CR1L: variants seen among roughly 807,000 people sequenced by gnomAD.
CR1L encodes the protein complement component receptor 1-like protein.
Under a neutral mutation model 62.3 loss-of-function variants are expected in CR1L, and 59 were observed. That is an observed-to-expected ratio of 0.95 (90% CI 0.77 to 1.18). CR1L has a LOEUF of 1.18. CR1L is among the 50% of genes most tolerant of loss of function. CR1L has a pLI of 0.00. For missense variants in CR1L, 700 were observed against 702.8 expected (o/e 1.00, Z 0.04); for synonymous variants, 279 against 248.7 (o/e 1.12, Z -1.15).
intron 9 of CR1L, among the ~76,000 whole-genome samples, chr1:207,705,407 C>T (rs1415090684): frequency 1.3e-5 from 2 of 152,222 alleles, no homozygotes; most frequent in South Asian, 2.1e-4. Context: ...GCTCACAGCG[C>T]ATGGTCCAGC....
At chr1:207,669,547 G>C (rs1175644282) in intron 1 of CR1L, 2 of 1,568,448 alleles carry the variant, frequency 1.3e-6, no homozygotes, top group Non-Finnish European at 8.6e-7. Context: ...GGTGCTGCTC[G>C]CGCTGCCGGT....
At chr1:207,686,121 TC>T (rs1663902212) in intron 4 of CR1L, among the ~76,000 whole-genome samples, 12 of 17,046 alleles carry the variant, frequency 7.0e-4, no homozygotes, top group African/African-American at 2.4e-3. Context: ...CCTCCCTCCC[TC>T]CCTTCCTCCC....
At position 207,683,286 on chromosome 1, in the gene CR1L, G is replaced by A. The variant is rs533082910; in HGVS notation, c.378-586G>A. On this transcript the variant is annotated intron_variant, in intron 3 of 11. Coordinates refer to ENST00000508064, the MANE Select transcript of CR1L (RefSeq NM_175710.2). ...TGAGTAGCTAGGACTACAGGAATGT[G>A]CCACCATGCGTGGCTTTTTAATAAA... Among the ~76,000 whole-genome samples the A allele has an allele frequency of 2.0e-5, 3 of 152,102 alleles. No individual in the cohort carries two copies. In the South Asian group the frequency reaches 6.2e-4, roughly 32 times the overall value.
rs1291778402 is a variant in CR1L at position 207,694,474 on chromosome 1, G to C, written c.585G>C (p.Lys195Asn). Residue 195 changes from lysine (K) to asparagine (N), a missense_variant, in exon 5 of 12, where the codon AAG (lysine) becomes AAC (asparagine). Transcript: ENST00000508064. ...YHCNLGSRGK[K>N]VFELVGEPSI... Reference sequence around the variant, plus strand: ...GCAATCTTGGAAGCAGAGGGAAAAAGGTGTTTGAGCTTGTGGGTGAGCCCT... The same window carrying C: ...GCAATCTTGGAAGCAGAGGGAAAAACGTGTTTGAGCTTGTGGGTGAGCCCT... 1 of 1,613,900 alleles carries C rather than the reference G, an allele frequency of 6.2e-7. No individual in the cohort carries two copies. Among genetic ancestry groups the C allele is most frequent in the Non-Finnish European group, 8.5e-7 (1 of 1,179,812 alleles).
Position 207,693,559 on chromosome 1 carries a change from T to C in CR1L, c.464-794T>C, listed in dbSNP as rs1664027430. Among the ~76,000 whole-genome samples, 3 of 152,254 alleles carry C rather than the reference T, an allele frequency of 2.0e-5. No homozygotes were observed. The South Asian group carries it at 6.2e-4, about 31-fold the overall frequency. Reference sequence around the variant, plus strand: ...TGCTAGGCTTTATTCTTCTATATCTTGGTCTGTATGTTTAACATGCATTTA... The same window carrying C: ...TGCTAGGCTTTATTCTTCTATATCTCGGTCTGTATGTTTAACATGCATTTA... On this transcript the variant is annotated intron_variant, in intron 4 of 11. Transcript: ENST00000508064.
chr1:207,713,546 C>T (rs758689847), intron 10 of CR1L, among the ~76,000 whole-genome samples: 2 of 152,244 alleles, frequency 1.3e-5, no homozygotes, highest in Admixed American at 6.5e-5. Context: ...CCACCCAGGC[C>T]GTGCCAGGCT....
intron 1 of CR1L, among the ~76,000 whole-genome samples, chr1:207,667,439 G>T (rs1663540186): frequency 6.6e-6 from 1 of 152,160 alleles, no homozygotes; most frequent in African/African-American, 2.4e-5. Flanking sequence ...TTGCCTTCTG[G>T]TCTATTACCT....
chr1:207,654,843 C>T (rs1663280880), intron 1 of CR1L, among the ~76,000 whole-genome samples: 1 of 152,176 alleles, frequency 6.6e-6, no homozygotes, highest in Non-Finnish European at 1.5e-5. Context: ...AGCTCTAGGG[C>T]CTGTTCTCTC....
chr1:207,705,699 A>G (rs1664255322), intron 9 of CR1L, among the ~76,000 whole-genome samples: 2 of 152,112 alleles, frequency 1.3e-5, no homozygotes, highest in Admixed American at 6.6e-5. Context: ...TTCCTTCCTC[A>G]TCTTGCATTG....
intron 10 of CR1L, among the ~76,000 whole-genome samples, chr1:207,711,809 G>A (rs189974119): frequency 6.6e-6 from 1 of 150,916 alleles, no homozygotes; most frequent in East Asian, 2.0e-4. Flanking sequence ...TGAGGCAGGA[G>A]AATCACTTGA....
At chr1:207,651,078 C>T (rs1299037335) in intron 1 of CR1L, among the ~76,000 whole-genome samples, 1 of 152,166 alleles carries the variant, frequency 6.6e-6, no homozygotes, top group Admixed American at 6.5e-5. Flanking sequence ...AGCCACTGCA[C>T]CCGGCCCAGT....
At chr1:207,663,719 C>T (rs11591007) in intron 1 of CR1L, among the ~76,000 whole-genome samples, 5,838 of 152,068 alleles carry the variant, frequency 0.038, 179 homozygotes, top group South Asian at 0.12. Context: ...TTCTGTGTCG[C>T]TCACACTGGG....
rs771682313 is a variant in CR1L at position 207,694,398 on chromosome 1, C to T, written c.509C>T (p.Thr170Ile). 1.9e-6 allele frequency: 3 copies of T among 1,613,962 alleles called. No homozygotes were observed. The South Asian group carries it at 3.3e-5, about 18-fold the overall frequency. ...CCCACCATCGCCAATGGAGATTTCA[C>T]TAGCATCAGCAGAGAGTATTTTCAC... ...LPPTIANGDF[T>I]SISREYFHYG... The change falls in exon 5 of 12, where the codon ACT (threonine) becomes ATT (isoleucine). Residue 170 changes from threonine (T) to isoleucine (I), a missense_variant. Thr to Ile is a moderately conservative substitution (Grantham distance 89). Transcript: ENST00000508064.
intron 1 of CR1L, among the ~76,000 whole-genome samples, chr1:207,663,233 G>GC (rs1215508448): frequency 3.3e-5 from 5 of 152,216 alleles, no homozygotes; most frequent in South Asian, 4.1e-4. Context: ...TCTGTGCCCT[G>GC]CCCCCAGAGG....
intron 10 of CR1L, among the ~76,000 whole-genome samples, chr1:207,716,705 C>A (rs1654007170): frequency 6.6e-6 from 1 of 152,070 alleles, no homozygotes; most frequent in African/African-American, 2.4e-5. Context: ...AGGAAAAACA[C>A]AAGTAAAATT....
chr1:207,681,064 G>A (rs2147022), intron 3 of CR1L, among the ~76,000 whole-genome samples: 15,115 of 152,048 alleles, frequency 0.099, 1,190 homozygotes, highest in East Asian at 0.38. Flanking sequence ...CATTATTTAA[G>A]GTTAACAATG....
intron 1 of CR1L, among the ~76,000 whole-genome samples, chr1:207,648,974 A>G (rs6704151): frequency 0.47 from 71,967 of 151,996 alleles, 17,577 homozygotes; most frequent in African/African-American, 0.59. Flanking sequence ...AATTTTTTTC[A>G]AATAGCTACT....
At chr1:207,653,551 C>T (rs753203874) in intron 1 of CR1L, among the ~76,000 whole-genome samples, 2 of 152,172 alleles carry the variant, frequency 1.3e-5, no homozygotes, top group Non-Finnish European at 2.9e-5. Context: ...TAAAAATATG[C>T]TTGTATCCAG....
At position 207,645,384 on chromosome 1, in the gene CR1L, G is replaced by C. The variant is rs372085384; in HGVS notation, c.97+54G>C. 6.5e-4 allele frequency: 1,031 copies of C among 1,590,170 alleles called. 6 individuals are homozygous for C. Among genetic ancestry groups the C allele is most frequent in the Middle Eastern group, 1.8e-3 (11 of 5,994 alleles). ...CGCGGCGAGGCTAGAGCTCTGCTCA[G>C]TCAGTCGGGCAGGAGGCGCGGGGCG... On this transcript the variant is annotated intron_variant, in intron 1 of 11. Coordinates refer to ENST00000508064, the MANE Select transcript of CR1L (RefSeq NM_175710.2).
Sources: gnomAD v4.1 joint callset for allele counts (sites outside exome capture counted in the v4.1 genomes callset) on GRCh38, gnomAD v4.1.1 for gene constraint, MANE v1.5 for transcripts, NCBI Gene and HGNC (gene_info 2026-07-23, HGNC 2026-07-21) for gene names.